VASH2: variants seen among roughly 807,000 people sequenced by gnomAD.
VASH2 encodes the protein vasohibin 2.
In VASH2, 28 loss-of-function variants were observed where a neutral mutation model predicts 37.2. The observed-to-expected ratio is 0.75, with a 90% CI of 0.56 to 1.03. The LOEUF (loss-of-function observed/expected upper bound fraction) is 1.03. Among genes scored for constraint, VASH2 ranks in the 50% least tolerant of loss-of-function variants. The pLI, the probability that VASH2 is intolerant of heterozygous loss-of-function variation, is 0.00. For synonymous variants in VASH2, 188 were observed against 174.7 expected, an observed-to-expected ratio of 1.08 and a Z score of -0.60; for missense variants, 419 against 459.1, an observed-to-expected ratio of 0.91 and a Z score of 0.80.
chr1:212,967,020 G>A (rs10779597), intron 5 of VASH2: 440,977 of 1,021,432 alleles, frequency 0.43, 100,044 homozygotes, highest in East Asian at 0.49. Flanking sequence ...GTTGAGATTA[G>A]AGGCAGGAGC....
At chr1:212,962,159 T>TTTGGTCCCTTTCTTCTCCGCATCCGCAGG (rs1197202952) in intron 3 of VASH2, among the ~76,000 whole-genome samples, 1 of 152,172 alleles carries the variant, frequency 6.6e-6, no homozygotes, top group Non-Finnish European at 1.5e-5. Flanking sequence ...GACCAGCTGG[T>TTTGGTCCCTTTCTTCTCCGCATCCGCAGG]TTGGTCCCTT....
chr1:212,977,010 T>C lies in VASH2; in HGVS notation c.995+2940T>C, dbSNP rs369410701. On this transcript the variant is annotated intron_variant, in intron 7 of 7. Transcript: ENST00000517399. ...TAAGCTTTTCAAAAACGATGAGAAG[T>C]GGCCGCAACAAGGTGAGGAGGGGTG... 1.8e-4 allele frequency among the ~76,000 whole-genome samples: 26 copies of C among 145,948 alleles called. No homozygotes were observed. The East Asian group carries it at 2.8e-3, about 16-fold the overall frequency.
Position 212,961,168 on chromosome 1 carries a change from T to A in VASH2, c.279T>A (p.Pro93=), listed in dbSNP as rs760005847. Residue 93 remains proline, a splice_region_variant and synonymous_variant, in exon 3 of 8, where the codon CCT becomes CCA. Coordinates refer to ENST00000517399, the MANE Select transcript of VASH2 (RefSeq NM_001301056.2). ...TCCTCTTCTCTATTTTTCTGCAGCC[T>A]TCAATACCCCAGGTCCCAAACTACA... ...AIRNAAFLAK[P]SIPQVPNYRL... 1 of 1,614,022 alleles carries A rather than the reference T, an allele frequency of 6.2e-7. No homozygotes were observed. The highest frequency in any genetic ancestry group is 1.7e-5 in the Admixed American group (1 of 60,008).
chr1:212,962,888 T>C (rs1408838909), intron 3 of VASH2, among the ~76,000 whole-genome samples: 1 of 152,190 alleles, frequency 6.6e-6, no homozygotes, highest in South Asian at 2.1e-4. Context: ...AGAGCAGACC[T>C]GGACCCCAAG....
intron 2 of VASH2, among the ~76,000 whole-genome samples, chr1:212,952,242 C>T (rs1666337434): frequency 6.6e-6 from 1 of 152,228 alleles, no homozygotes; most frequent in African/African-American, 2.4e-5. Context: ...CCCTCTTCCC[C>T]CAGCAAATGA....
rs188330134 is a variant in VASH2, at chr1:212,973,668, G to A, written c.880-287G>A. 194 of 1,251,056 alleles carry A rather than the reference G, an allele frequency of 1.6e-4. 1 individual carries two copies. In the African/African-American group the frequency reaches 2.4e-3, roughly 16 times the overall value. The allele number at this position is 1,251,056 out of a possible 1,614,324, so 77.5% of individuals were successfully genotyped here. On this transcript the variant is annotated intron_variant, in intron 6 of 7. Coordinates refer to ENST00000517399, the MANE Select transcript of VASH2 (RefSeq NM_001301056.2). ...TTGCCAAGCAAACAAACACAGCCCC[G>A]GGGAGACTGAGGCATTGGGCTGTGT...
Position 212,985,419 on chromosome 1 carries a change from CTT to C in VASH2, c.996-3078_996-3077del, listed in dbSNP as rs144366214. Among the ~76,000 whole-genome samples, 1,291 of 135,648 alleles carry C rather than the reference CTT, an allele frequency of 9.5e-3. 41 individuals are homozygous for C. The highest frequency in any genetic ancestry group is 0.069 in the East Asian group (323 of 4,714). The allele number at this position is 135,648 out of a possible 152,430, so 89.0% of individuals were successfully genotyped here. A position where few individuals can be genotyped will look rare whatever the true frequency, so the allele number is the denominator to read the frequency against. On this transcript the variant is annotated intron_variant, in intron 7 of 7. Coordinates refer to ENST00000517399, the MANE Select transcript of VASH2 (RefSeq NM_001301056.2). The stretch of plus-strand genomic sequence containing the variant: ...CTGCGCTGCCATCTTTAGAGACCAT[CTT>C]TTTTTTTTTTTTTTCTGAGACAGAA...
rs1666300141 is a variant in VASH2 at position 212,951,456 on chromosome 1, C to T, written c.-87C>T. 1 of 806,250 alleles carries T rather than the reference C, an allele frequency of 1.2e-6. No homozygotes were observed. Among genetic ancestry groups the T allele is most frequent in the Non-Finnish European group, 1.5e-6 (1 of 656,354 alleles). 49.9% of individuals were successfully genotyped at this position (806,250 alleles called of 1,614,324 possible). On this transcript the variant is annotated 5_prime_UTR_variant, in exon 2 of 8. Transcript: ENST00000517399. The surrounding 1 kb of genome is among the most constrained non-coding windows in gnomAD (Gnocchi z 4.4). Reference sequence around the variant, plus strand: ...CCCCGCGGGGCGCTGATCCCCTCGCCGCGCCCGCGCGCACACGCCCCCCGC... The same window carrying T: ...CCCCGCGGGGCGCTGATCCCCTCGCTGCGCCCGCGCGCACACGCCCCCCGC...
chr1:212,958,915 G>A (rs1361521449), intron 2 of VASH2, among the ~76,000 whole-genome samples: 1 of 151,026 alleles, frequency 6.6e-6, no homozygotes, highest in African/African-American at 2.4e-5. Flanking sequence ...TTTTTTTAGT[G>A]ATGGGGTCTC....
chr1:212,965,980 T>C, intron 4 of VASH2: 1 of 611,674 alleles, frequency 1.6e-6, no homozygotes, highest in South Asian at 2.0e-5. Flanking sequence ...TGGTGAATTC[T>C]AGCTTCCAGG....
At chr1:212,954,875 T>C (rs918279589) in intron 2 of VASH2, among the ~76,000 whole-genome samples, 1 of 152,208 alleles carries the variant, frequency 6.6e-6, no homozygotes, top group Non-Finnish European at 1.5e-5. Flanking sequence ...TTCTCTCACA[T>C]TGCATCTTAA....
At chr1:212,966,241 T>G in intron 4 of VASH2, 30 bp from the exon 5 acceptor site, 10 of 1,540,242 alleles carry the variant, frequency 6.5e-6, no homozygotes, top group South Asian at 1.2e-5. Flanking sequence ...AAATAGGTTC[T>G]GAGATCCTCT....
chr1:212,986,223 G>A (rs921945463), intron 7 of VASH2, among the ~76,000 whole-genome samples: 3 of 152,194 alleles, frequency 2.0e-5, no homozygotes, highest in African/African-American at 4.8e-5. Context: ...AGGTACTGCA[G>A]GTTTATCCTT....
Position 212,971,417 on chromosome 1 carries a change from G to A in VASH2, c.498-1163G>A, listed in dbSNP as rs926536422. On this transcript the variant is annotated intron_variant, in intron 5 of 7. Coordinates refer to ENST00000517399, the MANE Select transcript of VASH2 (RefSeq NM_001301056.2). This position sits in a 1 kb window ranked among gnomAD's most constrained non-coding sequence, Gnocchi z 4.0. ...TGAGTCCATCTCCCACCAGACCTCC[G>A]GAGAAGGGCTGTGTTCTTATCTTTG... 6.6e-6 allele frequency among the ~76,000 whole-genome samples: 1 copy of A among 152,144 alleles called. No individual in the cohort carries two copies. The highest frequency in any genetic ancestry group is 2.1e-4 in the South Asian group (1 of 4,828).
intron 6 of VASH2, 57 bp from the exon 7 acceptor site, chr1:212,973,898 C>T: frequency 1.3e-6 from 2 of 1,578,478 alleles, no homozygotes; most frequent in African/African-American, 1.3e-5. Context: ...TAGAAGAAGA[C>T]CTGAGGGTGG....
chr1:212,988,545 G>C lies in VASH2; in HGVS notation c.1029G>C (p.Leu343=), dbSNP rs773880738. 8.7e-6 allele frequency: 14 copies of C among 1,614,032 alleles called. No individual in the cohort carries two copies. Among genetic ancestry groups the C allele is most frequent in the Non-Finnish European group, 1.2e-5 (14 of 1,180,030 alleles). Residue 343 remains leucine (L), a synonymous_variant, in exon 8 of 8, where the codon CTG becomes CTC. Transcript: ENST00000517399. ...TGCCTGAAAAGAAGGTGGCTGATCTGAGCACTCTGAATGAAGTGGGCTATC... is the reference window on the plus strand; with the variant it reads ...TGCCTGAAAAGAAGGTGGCTGATCTCAGCACTCTGAATGAAGTGGGCTATC... ...PALPEKKVAD[L]STLNEVGYQI...
chr1:212,968,159 T>C (rs935801107), intron 5 of VASH2: 1 of 971,630 alleles, frequency 1.0e-6, no homozygotes, highest in East Asian at 1.1e-4. Context: ...AATGAGGTAT[T>C]TGCAATGTGG....
At chr1:212,980,355 A>G (rs1467367391) in intron 7 of VASH2, among the ~76,000 whole-genome samples, 1 of 152,052 alleles carries the variant, frequency 6.6e-6, no homozygotes, top group Admixed American at 6.5e-5. Flanking sequence ...GAACCTCTTC[A>G]TCTTCTCTCC....
At chr1:212,964,994 C>T (rs1452432121) in intron 3 of VASH2, among the ~76,000 whole-genome samples, 1 of 151,320 alleles carries the variant, frequency 6.6e-6, no homozygotes, top group Admixed American at 6.6e-5. Context: ...GATCTTGGCT[C>T]ACCATAAATT....
Sources: allele counts gnomAD v4.1 joint callset (sites outside exome capture counted in the v4.1 genomes callset), GRCh38; gene constraint gnomAD v4.1.1; non-coding constraint Gnocchi (gnomAD v3.1); transcripts MANE v1.5; gene names NCBI Gene and HGNC (gene_info 2026-07-23, HGNC 2026-07-21).